ABI3BP: variants seen among roughly 807,000 people sequenced by gnomAD.
ABI3BP encodes the protein target of Nesh-SH3.
In ABI3BP, 216 loss-of-function variants were observed where a neutral mutation model predicts 268.6. That is an observed-to-expected ratio of 0.80 (90% CI 0.72 to 0.90). The LOEUF (loss-of-function observed/expected upper bound fraction) is 0.90, where lower values mean the gene tolerates loss of function less well. ABI3BP is among the 40% of genes least tolerant of loss of function. The pLI is 0.00. For synonymous variants in ABI3BP, 730 were observed against 730.0 expected, an observed-to-expected ratio of 1.00 and a Z score of 0.00; for missense variants, 2,090 against 2,182.4, an observed-to-expected ratio of 0.96 and a Z score of 0.84.
At chr3:100,961,934 T>C (rs906393913) in intron 1 of ABI3BP, among the ~76,000 whole-genome samples, 1 of 152,176 alleles carries the variant, frequency 6.6e-6, no homozygotes, top group Non-Finnish European at 1.5e-5. Context: ...GCTTACTTTT[T>C]TCCTGTTACA....
intron 1 of ABI3BP, among the ~76,000 whole-genome samples, chr3:100,943,269 C>T (rs767802391): frequency 1.1e-4 from 17 of 152,150 alleles, no homozygotes; most frequent in South Asian, 6.2e-4. Context: ...TCCGTCTCTC[C>T]ATCCCTCTGT....
chr3:100,956,230 C>CACAA (rs2076796087), intron 1 of ABI3BP, among the ~76,000 whole-genome samples: 1 of 140,550 alleles, frequency 7.1e-6, no homozygotes, highest in African/African-American at 2.7e-5. Flanking sequence ...CACACACACA[C>CACAA]ACACACACAC....
Position 100,838,284 on chromosome 3 carries a change from C to T in ABI3BP, c.2009G>A (p.Gly670Asp). The T allele has an allele frequency of 6.5e-7, 1 of 1,536,146 alleles. No homozygotes were observed. The highest frequency in any genetic ancestry group is 8.7e-7 in the Non-Finnish European group (1 of 1,146,714). Residue 670 changes from glycine to aspartate, a missense_variant and splice_region_variant, in exon 26 of 68, where the codon GGT becomes GAT. Gly to Asp is a moderately conservative substitution (Grantham distance 94, BLOSUM62 -1). Coordinates refer to ENST00000471714, the MANE Select transcript of ABI3BP (RefSeq NM_001375547.2). Reference protein sequence around the residue: ...HRPDAPQIQPGSKPPKQLLPK... With the variant: ...HRPDAPQIQPDSKPPKQLLPK... Reference sequence around the variant, plus strand: ...AAGTAATTGTTTTGGTGGTTTTGAACCTGAAGAAAATTAGAGTGCCATAAT... The same window carrying T: ...AAGTAATTGTTTTGGTGGTTTTGAATCTGAAGAAAATTAGAGTGCCATAAT...
At chr3:100,876,470 T>A in intron 7 of ABI3BP, 42 bp downstream of exon 7, 3 of 1,547,618 alleles carry the variant, frequency 1.9e-6, no homozygotes, top group Non-Finnish European at 2.7e-6. Flanking sequence ...TAAAAGTATG[T>A]TAAAGATTGC....
chr3:100,950,292 G>T (rs565082282), intron 1 of ABI3BP, among the ~76,000 whole-genome samples: 3 of 152,144 alleles, frequency 2.0e-5, no homozygotes, highest in African/African-American at 4.8e-5. Context: ...TTTTAAAATG[G>T]AAAATATTAT....
intron 16 of ABI3BP, 25 bp downstream of exon 16, chr3:100,850,635 A>T: frequency 6.4e-7 from 1 of 1,564,612 alleles, no homozygotes; most frequent in Non-Finnish European, 8.8e-7. Context: ...AAAATAAAGT[A>T]TGATTTTTCT....
intron 1 of ABI3BP, among the ~76,000 whole-genome samples, chr3:100,983,487 T>C (rs1384577604): frequency 6.6e-6 from 1 of 152,242 alleles, no homozygotes; most frequent in Admixed American, 6.5e-5. Flanking sequence ...TCTTAACAGA[T>C]TACATTTGAA....
At chr3:100,971,633 C>T (rs1211010064) in intron 1 of ABI3BP, among the ~76,000 whole-genome samples, 2 of 152,188 alleles carry the variant, frequency 1.3e-5, no homozygotes, top group African/African-American at 4.8e-5. Context: ...CTTTTATGCT[C>T]ACCACTTGTT....
At chr3:100,760,466 G>A (rs896467692) in intron 63 of ABI3BP, among the ~76,000 whole-genome samples, 1 of 152,078 alleles carries the variant, frequency 6.6e-6, no homozygotes, top group Non-Finnish European at 1.5e-5. Flanking sequence ...CAATTCATCT[G>A]AAAACAAATT....
chr3:100,977,475 C>T (rs1005870707), intron 1 of ABI3BP, among the ~76,000 whole-genome samples: 2 of 152,150 alleles, frequency 1.3e-5, no homozygotes, highest in Admixed American at 6.5e-5. Flanking sequence ...GATGTGCTTC[C>T]CAGATGGCTC....
At position 100,848,798 on chromosome 3, in the gene ABI3BP, T is replaced by C. The variant is rs1212283024; in HGVS notation, c.1576+3A>G. 1.9e-6 allele frequency: 3 copies of C among 1,609,528 alleles called. No individual in the cohort carries two copies. The Admixed American group carries it at 5.0e-5, about 27-fold the overall frequency. ...TATCATGTAAATATAAAGAGACATT[T>C]ACCAGGTTTGGTTCTTGGCGGTTTG... On this transcript the variant is annotated splice_donor_region_variant and intron_variant, in intron 18 of 67. Coordinates refer to ENST00000471714, the MANE Select transcript of ABI3BP (RefSeq NM_001375547.2).
chr3:100,936,513 C>T (rs1306464221), intron 1 of ABI3BP, among the ~76,000 whole-genome samples: 1 of 152,158 alleles, frequency 6.6e-6, no homozygotes, highest in Admixed American at 6.5e-5. Flanking sequence ...GGAGAAATCC[C>T]TCTTTTTTTA....
At chr3:100,875,648 A>T (rs2099154644) in intron 7 of ABI3BP, 69 bp from the exon 8 acceptor site, 2 of 1,102,228 alleles carry the variant, frequency 1.8e-6, no homozygotes, top group African/African-American at 3.1e-5. Context: ...AATAATGTGA[A>T]GCCATCTGCA....
At chr3:100,810,361 A>G (rs972495721) in intron 49 of ABI3BP, 51 bp downstream of exon 49, 1 of 1,450,358 alleles carries the variant, frequency 6.9e-7, no homozygotes, top group African/African-American at 1.4e-5. Context: ...GACCATACTG[A>G]CATTCTGCAA....
At position 100,833,139 on chromosome 3, in the gene ABI3BP, G is replaced by A. The variant is rs1453428427; in HGVS notation, c.2300C>T (p.Pro767Leu). The A allele has an allele frequency of 6.5e-7, 1 of 1,534,728 alleles. No homozygotes were observed. The highest frequency in any genetic ancestry group is 1.2e-5 in the South Asian group (1 of 83,940). Residue 767 changes from proline (P) to leucine (L), a missense_variant, in exon 30 of 68, where the codon CCT becomes CTT. By Grantham distance (98) the Pro-to-Leu change is moderately conservative. Coordinates refer to ENST00000471714, the MANE Select transcript of ABI3BP (RefSeq NM_001375547.2). ...AGAGTCATTACCTGAAGATGTCCCA[G>A]GAGTAATAGGTCCAAAGTCTGTAGC... ...QTKLDFGPIT[P>L]GTSSAPTTTT...
chr3:100,972,905 T>C (rs1419351351), intron 1 of ABI3BP, among the ~76,000 whole-genome samples: 1 of 152,204 alleles, frequency 6.6e-6, no homozygotes, highest in Non-Finnish European at 1.5e-5. Flanking sequence ...ATGTGAGGAA[T>C]GGAGAAAAAT....
intron 57 of ABI3BP, among the ~76,000 whole-genome samples, chr3:100,786,352 T>C (rs1191487424): frequency 2.6e-5 from 4 of 152,206 alleles, no homozygotes; most frequent in Non-Finnish European, 5.9e-5. Context: ...TACATTATTA[T>C]AAAGTTGACT....
chr3:100,894,758 T>C (rs1203393060), intron 4 of ABI3BP, among the ~76,000 whole-genome samples: 1 of 151,186 alleles, frequency 6.6e-6, no homozygotes, highest in Non-Finnish European at 1.5e-5. Flanking sequence ...GCTAACACGG[T>C]GAAACCCCAC....
chr3:100,877,325 C>A (rs1042896345), intron 6 of ABI3BP, among the ~76,000 whole-genome samples: 2 of 152,198 alleles, frequency 1.3e-5, no homozygotes, highest in African/African-American at 4.8e-5. Context: ...ACAGATACCA[C>A]AACTACCATG....
Sources: allele counts gnomAD v4.1 joint callset (sites outside exome capture counted in the v4.1 genomes callset), GRCh38; gene constraint gnomAD v4.1.1; transcripts MANE v1.5; gene names NCBI Gene and HGNC (gene_info 2026-07-23, HGNC 2026-07-21).